NRG2: variants seen among roughly 807,000 people sequenced by gnomAD.
NRG2 encodes the protein pro-neuregulin-2, membrane-bound isoform.
NRG2 carries 27 observed loss-of-function variants against 73.9 expected under a neutral mutation model. The ratio of observed to expected loss-of-function variants is 0.37; its 90% CI spans 0.27 to 0.50. The LOEUF (loss-of-function observed/expected upper bound fraction) is 0.50. Among genes scored for constraint, NRG2 ranks in the 20% least tolerant of loss-of-function variants. NRG2 has a pLI of 0.96. For synonymous variants in NRG2, 532 were observed against 541.0 expected, an observed-to-expected ratio of 0.98 and a Z score of 0.23; for missense variants, 1,126 against 1,210.1, an observed-to-expected ratio of 0.93 and a Z score of 1.03.
intron 1 of NRG2, among the ~76,000 whole-genome samples, chr5:139,906,986 T>C (rs1193747042): frequency 6.6e-6 from 1 of 152,048 alleles, no homozygotes; most frequent in Non-Finnish European, 1.5e-5. Context: ...CTGAGGGCTG[T>C]GTGTGTGCGT....
Position 139,848,160 on chromosome 5 carries a change from G to C in NRG2, c.2310C>G (p.Gly770=). 7.0e-7 allele frequency: 1 copy of C among 1,435,872 alleles called. No homozygotes were observed. Among genetic ancestry groups the C allele is most frequent in the Non-Finnish European group, 9.1e-7 (1 of 1,101,220 alleles). 88.9% of individuals were successfully genotyped at this position (1,435,872 alleles called of 1,614,324 possible). ...RDSLSLSSGS[G]GGSASASDDD... ...CGTCCGACGCCGAGGCTGAGCCGCC[G>C]CCCGAGCCGCTGCTCAGCGACAGCG... The change falls in exon 10 of 10, where the codon GGC becomes GGG. Residue 770 remains glycine, a synonymous_variant. Coordinates refer to ENST00000361474, the MANE Select transcript of NRG2 (RefSeq NM_004883.3).
chr5:139,964,777 G>A (rs2126512103), intron 1 of NRG2, among the ~76,000 whole-genome samples: 1 of 152,336 alleles, frequency 6.6e-6, no homozygotes, highest in East Asian at 1.9e-4. Flanking sequence ...ATCAAGTCCA[G>A]AGAGAGGGAG....
intron 1 of NRG2, among the ~76,000 whole-genome samples, chr5:139,910,733 G>A (rs1159628445): frequency 6.6e-6 from 1 of 152,150 alleles, no homozygotes; most frequent in African/African-American, 2.4e-5. Context: ...AAGTTCAGAT[G>A]TTGCAGTGCC....
In NRG2 at chr5:139,848,583, C is replaced by T. The variant is rs1342206330; in HGVS notation, c.1887G>A (p.Val629=). Residue 629 remains valine, a synonymous_variant, in exon 10 of 10, where the codon GTG becomes GTA. Transcript: ENST00000361474. ...TGATGGGCGCCGCCGGCGGCAGCGA[C>T]ACGGCGTGCGCCGAGTTGGGGGACG... The part of the protein sequence containing the change: ...EITSPNSAHA[V]SLPPAAPISY... 1.9e-6 allele frequency: 3 copies of T among 1,560,030 alleles called. No individual in the cohort carries two copies. The highest frequency in any genetic ancestry group is 1.7e-6 in the Non-Finnish European group (2 of 1,164,196).
chr5:139,897,270 C>T (rs1302791003), intron 1 of NRG2, among the ~76,000 whole-genome samples: 1 of 152,222 alleles, frequency 6.6e-6, no homozygotes, highest in Non-Finnish European at 1.5e-5. Flanking sequence ...GTCTGTGAAA[C>T]AGGGACAGTC....
At chr5:139,938,902 AAGAAAAGAAAGAAAG>A (rs1229297653) in intron 1 of NRG2, among the ~76,000 whole-genome samples, 1 of 69,416 alleles carries the variant, frequency 1.4e-5, no homozygotes, top group African/African-American at 8.3e-5. Context: ...GAAAGAAAGA[AAGAAAAGAAAGAAAG>A]AAAGAAAGAA....
intron 1 of NRG2, among the ~76,000 whole-genome samples, chr5:139,920,478 C>A (rs1223830368): frequency 6.6e-6 from 1 of 151,800 alleles, no homozygotes; most frequent in African/African-American, 2.4e-5. Context: ...CAGTATAAAC[C>A]AGAGAAGGCT....
At chr5:139,993,578 A>T (rs145030827) in intron 1 of NRG2, among the ~76,000 whole-genome samples, 1 of 152,314 alleles carries the variant, frequency 6.6e-6, no homozygotes, top group African/African-American at 2.4e-5. Flanking sequence ...AACCCTTATC[A>T]GTATCTGGAA....
chr5:139,886,567 G>C (rs149232062), intron 2 of NRG2, among the ~76,000 whole-genome samples: 15 of 152,340 alleles, frequency 9.8e-5, no homozygotes, highest in South Asian at 2.1e-4. Context: ...GGAGCCAACA[G>C]AGCAGACATC....
intron 1 of NRG2, among the ~76,000 whole-genome samples, chr5:140,018,295 A>G (rs1759951587): frequency 6.6e-6 from 1 of 152,216 alleles, no homozygotes; most frequent in South Asian, 2.1e-4. Context: ...AACCAGGTCA[A>G]ATGTGGGGAC....
chr5:140,038,424 A>G (rs1288410445), intron 1 of NRG2, among the ~76,000 whole-genome samples: 1 of 152,242 alleles, frequency 6.6e-6, no homozygotes, highest in Non-Finnish European at 1.5e-5. Flanking sequence ...AAATCCCATT[A>G]ACACTAATCA....
intron 1 of NRG2, among the ~76,000 whole-genome samples, chr5:139,983,036 G>A (rs1756930798): frequency 1.3e-5 from 2 of 152,226 alleles, no homozygotes; most frequent in South Asian, 2.1e-4. Context: ...CAGGACCACA[G>A]CTTCTGTTTA....
Position 139,853,104 on chromosome 5 carries a change from G to T in NRG2, c.1293-77C>A. The T allele has an allele frequency of 6.3e-7, 1 of 1,586,616 alleles. No homozygotes were observed. The highest frequency in any genetic ancestry group is 1.8e-5 in the Admixed American group (1 of 55,678). On this transcript the variant is annotated intron_variant, in intron 6 of 9. Coordinates refer to ENST00000361474, the MANE Select transcript of NRG2 (RefSeq NM_004883.3). The surrounding 1 kb of genome is among the most constrained non-coding windows in gnomAD (Gnocchi z 4.1). ...TGAACTTCCCTAGCTATCTCTCTAGGGAAACAGCTTTTCCTCCTGCCCAGG... is the reference window on the plus strand; with the variant it reads ...TGAACTTCCCTAGCTATCTCTCTAGTGAAACAGCTTTTCCTCCTGCCCAGG...
intron 1 of NRG2, among the ~76,000 whole-genome samples, chr5:139,958,877 A>G (rs1754843503): frequency 6.6e-6 from 1 of 152,216 alleles, no homozygotes; most frequent in Non-Finnish European, 1.5e-5. Context: ...GGGAGACCTC[A>G]GCACTGGATT....
rs746922280 is a variant in NRG2 at position 140,043,113 on chromosome 5, C to G, written c.-44G>C. The G allele has an allele frequency of 1.3e-6, 2 of 1,563,290 alleles. No homozygotes were observed. The highest frequency in any genetic ancestry group is 2.3e-5 in the South Asian group (2 of 87,778). ...GGGCTCCGCCGCTCAGCCGCCGCCG[C>G]CTTGGGAGGGGAAACAGAGCCCGCT... On this transcript the variant is annotated 5_prime_UTR_variant, in exon 1 of 10. Transcript: ENST00000361474. This position sits in a 1 kb window ranked among gnomAD's most constrained non-coding sequence, Gnocchi z 6.7.
At chr5:139,921,468 A>G (rs1262342733) in intron 1 of NRG2, among the ~76,000 whole-genome samples, 1 of 152,224 alleles carries the variant, frequency 6.6e-6, no homozygotes, top group African/African-American at 2.4e-5. Flanking sequence ...GATCTTTGAC[A>G]AAGGAGCAAA....
chr5:140,043,058 A>C lies in NRG2; in HGVS notation c.12T>G (p.Val4=), dbSNP rs1762099549. 6.5e-7 allele frequency: 1 copy of C among 1,546,360 alleles called. No individual in the cohort carries two copies. Among genetic ancestry groups the C allele is most frequent in the African/African-American group, 1.4e-5 (1 of 72,812 alleles). MRQ[V]CCSALPPPPL... is the part of the protein sequence containing the mutation. ...GCGGCGGCGGCAGCGCTGAGCAGCA[A>C]ACCTGCCGCATCTGGCCAGGCCATT... Residue 4 remains valine (V), a synonymous_variant, in exon 1 of 10, where the codon GTT becomes GTG. Coordinates refer to ENST00000361474, the MANE Select transcript of NRG2 (RefSeq NM_004883.3). The surrounding 1 kb of genome is among the most constrained non-coding windows in gnomAD (Gnocchi z 6.7).
At chr5:139,984,609 C>T (rs186442132) in intron 1 of NRG2, among the ~76,000 whole-genome samples, 200 of 152,198 alleles carry the variant, frequency 1.3e-3, no homozygotes, top group Non-Finnish European at 2.5e-3. Context: ...TTTCATATTC[C>T]TACAATGAGC....
chr5:140,019,313 A>T (rs1192016852), intron 1 of NRG2, among the ~76,000 whole-genome samples: 2 of 152,366 alleles, frequency 1.3e-5, no homozygotes, highest in Middle Eastern at 3.4e-3. Flanking sequence ...GTCACTCCAT[A>T]ACCCCAGAGT....
Sources: gnomAD v4.1 joint callset for allele counts (sites outside exome capture counted in the v4.1 genomes callset) on GRCh38, gnomAD v4.1.1 for gene constraint, Gnocchi (gnomAD v3.1) non-coding constraint, MANE v1.5 for transcripts, NCBI Gene and HGNC (gene_info 2026-07-23, HGNC 2026-07-21) for gene names.